The following RPS24 variants were observed in gnomAD, a reference collection of about 807,000 sequenced individuals.
The protein encoded by RPS24 is ribosomal protein S24, also known as small ribosomal subunit protein eS24.
For missense variants in RPS24, 100 were observed against 162.5 expected (o/e 0.62, Z 2.09); for synonymous variants, 72 against 55.6 (o/e 1.30, Z -1.31).
At chr10:78,035,462 A>G (rs1847843702) in intron 2 of RPS24, 45 bp downstream of exon 2, 1 of 1,612,708 alleles carries the variant, frequency 6.2e-7, no homozygotes, top group Non-Finnish European at 8.5e-7. Context: ...CCTTTACTCT[A>G]AAGATGTATT....
In RPS24 at chr10:78,034,054, C is replaced by A. The variant is rs964879679; in HGVS notation, c.3+150C>A. On this transcript the variant is annotated intron_variant, in intron 1 of 5. Coordinates refer to ENST00000372360, the MANE Select transcript of RPS24 (RefSeq NM_033022.4). ...AGGATGGTTGTCGAGGGGCTCGGGGCTGTTGGCAGGGCGTCCGGGCTGGCG... is the reference window on the plus strand; with the variant it reads ...AGGATGGTTGTCGAGGGGCTCGGGGATGTTGGCAGGGCGTCCGGGCTGGCG... The A allele has an allele frequency of 5.9e-6, 6 of 1,016,680 alleles. No individual in the cohort carries two copies. In the South Asian group the frequency reaches 6.3e-5, roughly 11 times the overall value. The allele number at this position is 1,016,680 out of a possible 1,614,324, so 63.0% of individuals were successfully genotyped here.
In RPS24 at chr10:78,037,325, T is replaced by C. The variant is rs757847530; in HGVS notation, c.390+21T>C. ...AAAAGGTATAGTTCATTAAGGAAAA[T>C]ATAGAAACGTCATTAATTGTAGGTC... On this transcript the variant is annotated intron_variant, in intron 4 of 5. Transcript: ENST00000372360. 23 of 1,574,962 alleles carry C rather than the reference T, an allele frequency of 1.5e-5. No individual in the cohort carries two copies. In the Admixed American group the frequency reaches 3.9e-4, roughly 27 times the overall value.
intron 4 of RPS24, chr10:78,037,522 A>G (rs1847898502): frequency 7.8e-6 from 5 of 644,060 alleles, no homozygotes; most frequent in South Asian, 6.3e-5. Flanking sequence ...GTCAGCTCAC[A>G]GCACAATCTG....
chr10:78,037,902 CTTTTTTTTTT>C (rs55902139), intron 4 of RPS24: 4 of 378,786 alleles, frequency 1.1e-5, no homozygotes, highest in Non-Finnish European at 1.6e-5. Context: ...GTTCTGTGAA[CTTTTTTTTTT>C]TTTTTTTTTT....
chr10:78,035,026 C>G (rs1466095325), intron 1 of RPS24, among the ~76,000 whole-genome samples: 1 of 152,152 alleles, frequency 6.6e-6, no homozygotes, highest in East Asian at 1.9e-4. Context: ...CTAAAACATA[C>G]AGTCCCCACA....
Position 78,035,395 on chromosome 10 carries a change from G to T in RPS24, c.47G>T (p.Arg16Leu), listed in dbSNP as rs199524789. 3.7e-6 allele frequency: 6 copies of T among 1,614,020 alleles called. No homozygotes were observed. The highest frequency in any genetic ancestry group is 4.2e-6 in the Non-Finnish European group (5 of 1,180,004). Reference protein sequence around the residue: ...TIRTRKFMTNRLLQRKQMVID... With the variant: ...TIRTRKFMTNLLLQRKQMVID... ...CGCACTAGAAAGTTCATGACCAACC[G>T]ACTACTTCAGAGGAAACAAATGGTA... The change falls in exon 2 of 6, where the codon CGA (arginine) becomes CTA (leucine). Residue 16 changes from arginine (R) to leucine (L), a missense_variant. Transcript: ENST00000372360.
intron 4 of RPS24, among the ~76,000 whole-genome samples, chr10:78,048,766 T>C (rs1477089970): frequency 6.6e-6 from 1 of 150,550 alleles, no homozygotes; most frequent in Non-Finnish European, 1.5e-5. Context: ...TCCCAGCTGC[T>C]CAGGAGGCTG....
rs534365638 is a variant in RPS24, at chr10:78,035,262, T to A, written c.4-90T>A. On this transcript the variant is annotated intron_variant, in intron 1 of 5. Transcript: ENST00000372360. ...TCGCTACATGACTAATGGCTACAAATTGGACTGCAACATTCTAGGTCTTGG... is the reference window on the plus strand; with the variant it reads ...TCGCTACATGACTAATGGCTACAAAATGGACTGCAACATTCTAGGTCTTGG... 2.7e-5 allele frequency: 35 copies of A among 1,295,656 alleles called. No homozygotes were observed. In the South Asian group the frequency reaches 3.8e-4, roughly 14 times the overall value. 80.3% of individuals were successfully genotyped at this position (1,295,656 alleles called of 1,614,324 possible).
exon 5 of RPS24, chr10:78,054,997 G>A: frequency 6.8e-7 from 1 of 1,470,118 alleles, no homozygotes; most frequent in Non-Finnish European, 9.0e-7. Flanking sequence ...TGCCTCTCTG[G>A]TCTGGGCCAC....
intron 4 of RPS24, among the ~76,000 whole-genome samples, chr10:78,046,172 G>C (rs953514532): frequency 2.6e-5 from 4 of 152,038 alleles, no homozygotes; most frequent in African/African-American, 9.7e-5. Context: ...GTTTCTCTAA[G>C]ATCCGTTCTG....
chr10:78,040,919 G>A (rs921040788), downstream of RPS24, among the ~76,000 whole-genome samples: 6 of 152,120 alleles, frequency 3.9e-5, no homozygotes, highest in African/African-American at 1.4e-4. Flanking sequence ...CGCGGTGGAC[G>A]CAGTGTAGTG....
downstream of RPS24, chr10:78,040,726 A>G (rs1847975556): frequency 6.4e-7 from 1 of 1,563,538 alleles, no homozygotes; most frequent in Non-Finnish European, 8.8e-7. Flanking sequence ...ATGTATTTGC[A>G]GTTTCCTGGG....
chr10:78,034,886 A>G (rs996533027), intron 1 of RPS24, among the ~76,000 whole-genome samples: 2 of 152,224 alleles, frequency 1.3e-5, no homozygotes, highest in African/African-American at 2.4e-5. Flanking sequence ...GTGATTCTCA[A>G]CCCGGAGTGA....
intron 4 of RPS24, among the ~76,000 whole-genome samples, chr10:78,053,657 A>G (rs1848122556): frequency 6.6e-6 from 1 of 152,182 alleles, no homozygotes; most frequent in Non-Finnish European, 1.5e-5. Flanking sequence ...AGGAAATGGC[A>G]GAGCAGGAGC....
chr10:78,050,525 C>T (rs1375041344), intron 4 of RPS24, among the ~76,000 whole-genome samples: 18 of 152,232 alleles, frequency 1.2e-4, no homozygotes, highest in Admixed American at 1.2e-3. Flanking sequence ...GTTTAATTCA[C>T]AGACCATATA....
chr10:78,042,639 T>C (rs2131987281), downstream of RPS24, among the ~76,000 whole-genome samples: 1 of 152,270 alleles, frequency 6.6e-6, no homozygotes, highest in Middle Eastern at 3.4e-3. Flanking sequence ...TGAATCAATA[T>C]TGAGGGAGCA....
downstream of RPS24, among the ~76,000 whole-genome samples, chr10:78,044,017 G>A (rs934462668): frequency 2.4e-4 from 36 of 152,048 alleles, no homozygotes; most frequent in Admixed American, 1.3e-3. Context: ...ATACATGTAC[G>A]TATTCAGAGG....
rs1388768414 is a variant in RPS24 at position 78,040,502 on chromosome 10, A to G, written c.*20-113A>G. On this transcript the variant is annotated intron_variant, in intron 5 of 5. Coordinates refer to ENST00000372360, the MANE Select transcript of RPS24 (RefSeq NM_033022.4). ...GTTATGATAACATCAAAATAACTTG[A>G]TATTCTAGGTTACTAATAATTGTTG... The G allele has an allele frequency of 4.8e-6, 4 of 832,090 alleles. No homozygotes were observed. The African/African-American group carries it at 5.0e-5, about 10-fold the overall frequency. 51.5% of individuals were successfully genotyped at this position (832,090 alleles called of 1,614,324 possible).
At chr10:78,049,873 G>C (rs184949574) in intron 4 of RPS24, among the ~76,000 whole-genome samples, 140 of 152,310 alleles carry the variant, frequency 9.2e-4, no homozygotes, top group African/African-American at 3.2e-3. Flanking sequence ...GGTGGGCTGG[G>C]AAATATAGGC....
Sources: gnomAD v4.1 joint callset for allele counts (sites outside exome capture counted in the v4.1 genomes callset) on GRCh38, gnomAD v4.1.1 for gene constraint, MANE v1.5 for transcripts, NCBI Gene and HGNC (gene_info 2026-07-23, HGNC 2026-07-21) for gene names.